The following CSMD1 variants were observed in gnomAD, a reference collection of about 807,000 sequenced individuals.
The protein encoded by CSMD1 is CUB and Sushi multiple domains 1, also known as CUB and sushi domain-containing protein 1.
A neutral mutation model predicts 417.5 loss-of-function variants in CSMD1; 213 were observed. That is an observed-to-expected ratio of 0.51 (90% CI 0.46 to 0.57). The LOEUF (loss-of-function observed/expected upper bound fraction) is 0.57. Ranked by LOEUF, CSMD1 falls within the 20% of genes least tolerant of loss-of-function variation. The pLI is 0.00. For synonymous variants in CSMD1, 2,862 were observed against 1,736.8 expected (o/e 1.65, Z -16.11); for missense variants, 6,923 against 4,529.7 (o/e 1.53, Z -15.17).
intron 5 of CSMD1, among the ~76,000 whole-genome samples, chr8:3,784,811 G>T (rs1053447500): frequency 6.6e-6 from 1 of 152,150 alleles, no homozygotes; most frequent in Admixed American, 6.5e-5. Context: ...TATCACAATT[G>T]CTTGCACCAT....
chr8:3,260,302 A>T (rs377207018), intron 26 of CSMD1, among the ~76,000 whole-genome samples: 27 of 152,194 alleles, frequency 1.8e-4, no homozygotes, highest in East Asian at 1.7e-3. Flanking sequence ...CACCTCTGTG[A>T]GGCTCCCTGG....
intron 3 of CSMD1, among the ~76,000 whole-genome samples, chr8:4,155,876 A>G (rs1277134992): frequency 6.6e-6 from 1 of 152,182 alleles, no homozygotes; most frequent in East Asian, 1.9e-4. Context: ...GTGCCATCCT[A>G]TAGCCCTCTC....
At position 4,017,595 on chromosome 8, in the gene CSMD1, C is replaced by A. The variant is rs117028650; in HGVS notation, c.610+14310G>T. 1.7e-4 allele frequency among the ~76,000 whole-genome samples: 26 copies of A among 152,222 alleles called. 1 individual carries two copies. In the East Asian group the frequency reaches 2.7e-3, roughly 16 times the overall value. On this transcript the variant is annotated intron_variant, in intron 4 of 69. Transcript: ENST00000635120. ...TGCTGGAATTACAGGCGTGAGCCAC[C>A]GTGCCCAGCTGCCACCTCGTTTATA...
intron 3 of CSMD1, among the ~76,000 whole-genome samples, chr8:4,212,960 A>T (rs942276092): frequency 6.6e-6 from 1 of 151,976 alleles, no homozygotes; most frequent in African/African-American, 2.4e-5. Flanking sequence ...CCCACTGAAG[A>T]CCTAACACCT....
intron 10 of CSMD1, among the ~76,000 whole-genome samples, chr8:3,509,044 C>G (rs1353596718): frequency 3.9e-5 from 6 of 152,206 alleles, no homozygotes; most frequent in Non-Finnish European, 7.4e-5. Context: ...GGGCAAGACA[C>G]TGTATCAGCG....
intron 8 of CSMD1, among the ~76,000 whole-genome samples, chr8:3,607,957 G>C (rs1461265466): frequency 3.9e-5 from 6 of 152,134 alleles, no homozygotes; most frequent in Admixed American, 2.6e-4. Context: ...ATCACTTGAG[G>C]TCAGGAGTTC....
At chr8:3,183,628 C>G (rs984356792) in intron 36 of CSMD1, among the ~76,000 whole-genome samples, 5 of 151,540 alleles carry the variant, frequency 3.3e-5, no homozygotes, top group Non-Finnish European at 5.9e-5. Context: ...CTTAACGATA[C>G]CATCGGCATC....
intron 3 of CSMD1, among the ~76,000 whole-genome samples, chr8:4,268,662 G>A (rs1324304651): frequency 6.6e-6 from 1 of 151,888 alleles, no homozygotes; most frequent in East Asian, 1.9e-4. Flanking sequence ...TAAATTCCAA[G>A]TACATACAAA....
At chr8:3,874,980 G>C (rs1171127240) in intron 5 of CSMD1, among the ~76,000 whole-genome samples, 1 of 152,066 alleles carries the variant, frequency 6.6e-6, no homozygotes, top group Non-Finnish European at 1.5e-5. Context: ...AGCCAAGCAG[G>C]ATGGACGTCT....
At chr8:4,583,658 T>C (rs536002118) in intron 2 of CSMD1, among the ~76,000 whole-genome samples, 1 of 152,136 alleles carries the variant, frequency 6.6e-6, no homozygotes, top group African/African-American at 2.4e-5. Context: ...ACACTCTGTA[T>C]CTAACTAATC....
chr8:3,167,401 C>A (rs920478779), intron 37 of CSMD1, among the ~76,000 whole-genome samples: 1 of 151,968 alleles, frequency 6.6e-6, no homozygotes, highest in Non-Finnish European at 1.5e-5. Context: ...TCTGAATGCC[C>A]AGGTGCCCTG....
intron 2 of CSMD1, among the ~76,000 whole-genome samples, chr8:4,632,198 G>C (rs1802559215): frequency 6.6e-6 from 1 of 152,144 alleles, no homozygotes; most frequent in East Asian, 1.9e-4. Flanking sequence ...CCTGAATCAG[G>C]AATAATGTAA....
chr8:3,722,209 T>C (rs1364942307), intron 6 of CSMD1, among the ~76,000 whole-genome samples: 1 of 152,066 alleles, frequency 6.6e-6, no homozygotes, highest in Non-Finnish European at 1.5e-5. Flanking sequence ...CTCGGGAGGC[T>C]GAGGCAGGAG....
intron 25 of CSMD1, among the ~76,000 whole-genome samples, chr8:3,288,691 T>C (rs929067722): frequency 1.4e-5 from 2 of 147,304 alleles, no homozygotes; most frequent in African/African-American, 5.4e-5. Flanking sequence ...CTTCTCTCTT[T>C]TCTTCTTTAT....
intron 3 of CSMD1, among the ~76,000 whole-genome samples, chr8:4,272,326 C>T (rs958868650): frequency 2.0e-5 from 3 of 152,116 alleles, no homozygotes; most frequent in African/African-American, 7.2e-5. Flanking sequence ...AACAAAACTA[C>T]ATTGAACAAA....
chr8:3,589,700 G>C (rs1800764810), intron 8 of CSMD1, among the ~76,000 whole-genome samples: 2 of 152,158 alleles, frequency 1.3e-5, no homozygotes, highest in Admixed American at 6.5e-5. Context: ...GGTGACTGTA[G>C]TTAATAACAG....
At chr8:4,422,244 T>C (rs1294248661) in intron 2 of CSMD1, among the ~76,000 whole-genome samples, 1 of 152,146 alleles carries the variant, frequency 6.6e-6, no homozygotes, top group Non-Finnish European at 1.5e-5. Flanking sequence ...ACACAGTCTC[T>C]TCCAGAAAGT....
intron 3 of CSMD1, among the ~76,000 whole-genome samples, chr8:4,310,761 C>T (rs1328363203): frequency 6.6e-6 from 1 of 152,140 alleles, no homozygotes; most frequent in South Asian, 2.1e-4. Flanking sequence ...GAGAGGGAGA[C>T]TGTGTCCATA....
rs564554847 is a variant in CSMD1 at position 4,712,443 on chromosome 8, G to T, written c.86-74885C>A. Among the ~76,000 whole-genome samples the T allele has an allele frequency of 1.0e-3, 153 of 152,248 alleles. 7 individuals carry two copies. The South Asian group carries it at 0.03, about 30-fold the overall frequency. On this transcript the variant is annotated intron_variant, in intron 1 of 69. Transcript: ENST00000635120. ...ATGCAGGACTACCTACTCTTACTCT[G>T]AACCCTTCTCACAATTTTTTTTCCC...
Sources: gnomAD v4.1 joint callset for allele counts (sites outside exome capture counted in the v4.1 genomes callset) on GRCh38, gnomAD v4.1.1 for gene constraint, MANE v1.5 for transcripts, NCBI Gene and HGNC (gene_info 2026-07-23, HGNC 2026-07-21) for gene names.